CNTN4: variants seen among roughly 807,000 people sequenced by gnomAD.
CNTN4 encodes the protein contactin 4, also known as contactin-4.
In CNTN4, 77 loss-of-function variants were observed where a neutral mutation model predicts 122.5. That is an observed-to-expected ratio of 0.63 (90% CI 0.52 to 0.76). The LOEUF (loss-of-function observed/expected upper bound fraction) is 0.76, where lower values mean the gene tolerates loss of function less well. Ranked by LOEUF, CNTN4 falls within the 30% of genes least tolerant of loss-of-function variation. CNTN4 has a pLI of 0.00. For missense variants in CNTN4, 1,256 were observed against 1,259.1 expected (o/e 1.00, Z 0.04); for synonymous variants, 512 against 447.0 (o/e 1.15, Z -1.83).
At chr3:2,957,193 AT>A (rs146664371) in intron 13 of CNTN4, among the ~76,000 whole-genome samples, 12,110 of 151,682 alleles carry the variant, frequency 0.08, 577 homozygotes, top group Non-Finnish European at 0.098. Flanking sequence ...TCTAATTTAA[AT>A]TTTTTTTTGA....
rs186331228 is a variant in CNTN4, at chr3:2,711,969, T to G, written c.56-24246T>G. Among the ~76,000 whole-genome samples, 43 of 152,328 alleles carry G rather than the reference T, an allele frequency of 2.8e-4. No homozygotes were observed. The East Asian group carries it at 7.9e-3, about 28-fold the overall frequency. ...AACTCTTCCTTCATTATATTAAGAC[T>G]TTTTAAAAAATGTTATTTATGGGAT... On this transcript the variant is annotated intron_variant, in intron 4 of 24. Coordinates refer to ENST00000418658, the MANE Select transcript of CNTN4 (RefSeq NM_175607.3).
chr3:2,171,765 A>T (rs114350937), intron 2 of CNTN4, among the ~76,000 whole-genome samples: 2,240 of 152,298 alleles, frequency 0.015, 26 homozygotes, highest in Non-Finnish European at 0.021. Context: ...ACAAGAAAAG[A>T]TCATTAGTAT....
chr3:2,564,322 A>G (rs976285876), intron 3 of CNTN4, among the ~76,000 whole-genome samples: 3 of 152,166 alleles, frequency 2.0e-5, no homozygotes, highest in African/African-American at 7.2e-5. Context: ...GGCTGTGGAT[A>G]GTGAATGTGG....
At chr3:2,598,951 A>T (rs1447190520) in intron 4 of CNTN4, among the ~76,000 whole-genome samples, 1 of 152,178 alleles carries the variant, frequency 6.6e-6, no homozygotes, top group Non-Finnish European at 1.5e-5. Context: ...TTACTTTTTT[A>T]AAAATAATTT....
chr3:2,689,001 C>G (rs1240947447), intron 4 of CNTN4, among the ~76,000 whole-genome samples: 1 of 152,182 alleles, frequency 6.6e-6, no homozygotes, highest in African/African-American at 2.4e-5. Flanking sequence ...TAGCACCAGT[C>G]ATCCACAGTT....
chr3:2,808,988 C>G (rs1559526813), intron 6 of CNTN4, among the ~76,000 whole-genome samples: 1 of 152,244 alleles, frequency 6.6e-6, no homozygotes, highest in Non-Finnish European at 1.5e-5. Flanking sequence ...AACAGCAGTG[C>G]TCAACAAGTA....
At chr3:2,099,573 C>T (rs868685461) in intron 1 of CNTN4, 1 of 153,598 alleles carries the variant, frequency 6.5e-6, no homozygotes, top group African/African-American at 2.4e-5. Flanking sequence ...CTGTGGCGCC[C>T]GCTGGGTGCC....
intron 13 of CNTN4, among the ~76,000 whole-genome samples, chr3:2,942,168 G>C (rs976079853): frequency 1.3e-5 from 2 of 152,130 alleles, no homozygotes; most frequent in African/African-American, 4.8e-5. Flanking sequence ...AATAAATGAA[G>C]AAAGAAATCA....
intron 13 of CNTN4, among the ~76,000 whole-genome samples, chr3:2,932,341 G>A (rs556696143): frequency 5.2e-4 from 79 of 152,236 alleles, no homozygotes; most frequent in Middle Eastern, 3.4e-3. Context: ...TTGCACCACT[G>A]CACTCCAGCC....
chr3:2,956,801 A>C (rs1240634543), intron 13 of CNTN4, among the ~76,000 whole-genome samples: 1 of 151,834 alleles, frequency 6.6e-6, no homozygotes, highest in Admixed American at 6.6e-5. Flanking sequence ...TATTTCCCCT[A>C]CCTCCAGAGC....
intron 3 of CNTN4, among the ~76,000 whole-genome samples, chr3:2,449,392 G>A (rs36061243): frequency 0.65 from 98,268 of 151,910 alleles, 32,070 homozygotes; most frequent in East Asian, 0.77. Context: ...AGGTGGGTGC[G>A]TCACCTGAAG....
intron 4 of CNTN4, among the ~76,000 whole-genome samples, chr3:2,665,702 G>C (rs1459605071): frequency 1.3e-5 from 2 of 152,032 alleles, no homozygotes; most frequent in Non-Finnish European, 2.9e-5. Context: ...AGAATATAAG[G>C]GTAGATAAGG....
chr3:2,257,694 C>T (rs796348681), intron 2 of CNTN4, among the ~76,000 whole-genome samples: 2 of 152,178 alleles, frequency 1.3e-5, no homozygotes, highest in South Asian at 2.1e-4. Flanking sequence ...CTTATCATCA[C>T]TGGTCATTAG....
intron 14 of CNTN4, among the ~76,000 whole-genome samples, chr3:3,023,694 A>T (rs756105920): frequency 1.3e-5 from 2 of 152,148 alleles, no homozygotes; most frequent in Non-Finnish European, 2.9e-5. Flanking sequence ...TAAAATCATC[A>T]CTGCTTGTTA....
intron 2 of CNTN4, among the ~76,000 whole-genome samples, chr3:2,216,702 C>G (rs965628428): frequency 2.6e-5 from 4 of 152,024 alleles, no homozygotes; most frequent in African/African-American, 9.7e-5. Context: ...GGAAAATGTC[C>G]CAATAAACTA....
rs913884207 is a variant in CNTN4 at position 2,847,111 on chromosome 3, C to T, written c.455-19641C>T. Among the ~76,000 whole-genome samples, 13 of 151,652 alleles carry T rather than the reference C, an allele frequency of 8.6e-5. 1 individual carries two copies. Among genetic ancestry groups the T allele is most frequent in the Non-Finnish European group, 1.6e-4 (11 of 67,956 alleles). ...TTCCCTGGGCTGAATTTTGTGAGTG[C>T]ACCCTTACTTTGTTCAGCTTTTTGT... On this transcript the variant is annotated intron_variant, in intron 7 of 24. Coordinates refer to ENST00000418658, the MANE Select transcript of CNTN4 (RefSeq NM_175607.3).
intron 13 of CNTN4, among the ~76,000 whole-genome samples, chr3:2,984,227 G>A (rs906913593): frequency 6.6e-6 from 1 of 152,212 alleles, no homozygotes; most frequent in African/African-American, 2.4e-5. Flanking sequence ...AAGCAGGATG[G>A]AAATGATGGT....
At position 3,038,964 on chromosome 3, in the gene CNTN4, T is replaced by C. The variant is rs1699886556; in HGVS notation, c.2124T>C (p.Gly708=). 1 of 1,614,170 alleles carries C rather than the reference T, an allele frequency of 6.2e-7. No individual in the cohort carries two copies. Among genetic ancestry groups the C allele is most frequent in the South Asian group, 1.1e-5 (1 of 91,086 alleles). The part of the protein sequence containing the change: ...LPEVTPANVS[G]GGGSKSELVI... Reference sequence around the variant, plus strand: ...AAGTCACACCAGCGAATGTCAGTGGTGGCGGAGGCAGCAAATCTGAACTGG... The same window carrying C: ...AAGTCACACCAGCGAATGTCAGTGGCGGCGGAGGCAGCAAATCTGAACTGG... Residue 708 remains glycine, a synonymous_variant, in exon 19 of 25, where the codon GGT becomes GGC. Coordinates refer to ENST00000418658, the MANE Select transcript of CNTN4 (RefSeq NM_175607.3).
chr3:2,181,750 A>T (rs1228060097), intron 2 of CNTN4, among the ~76,000 whole-genome samples: 2 of 152,136 alleles, frequency 1.3e-5, no homozygotes, highest in Non-Finnish European at 2.9e-5. Flanking sequence ...ACTATTAAAA[A>T]CATTTTTCCT....
Sources: gnomAD v4.1 joint callset for allele counts (sites outside exome capture counted in the v4.1 genomes callset) on GRCh38, gnomAD v4.1.1 for gene constraint, MANE v1.5 for transcripts, NCBI Gene and HGNC (gene_info 2026-07-23, HGNC 2026-07-21) for gene names.